Variants in HYDIN observed in about 807,000 individuals in gnomAD.
The protein encoded by HYDIN is HYDIN axonemal central pair apparatus protein, also known as axonemal central pair apparatus protein HYDIN.
HYDIN carries 132 observed loss-of-function variants against 403.9 expected under a neutral mutation model. The ratio of observed to expected loss-of-function variants is 0.33; its 90% CI spans 0.28 to 0.38. The LOEUF is 0.38. HYDIN is among the 10% of genes least tolerant of loss of function. HYDIN has a pLI of 1.00. For missense variants in HYDIN, 2,827 were observed against 5,009.5 expected (o/e 0.56, Z 13.15); for synonymous variants, 1,202 against 1,891.7 (o/e 0.64, Z 9.46).
rs2080910291 is a variant in HYDIN, at chr16:71,031,513, T to C, written c.2768+166A>G. ...CAAGTTATGGCTAGAAAATGTCTTC[T>C]TGTTGCTGACATACACATCAGGAGG... On this transcript the variant is annotated intron_variant, in intron 19 of 85. Coordinates refer to ENST00000393567, the MANE Select transcript of HYDIN (RefSeq NM_001270974.2). The C allele has an allele frequency of 3.1e-6, 4 of 1,308,646 alleles. No homozygotes were observed. The East Asian group carries it at 1.1e-4, about 36-fold the overall frequency. The allele number at this position is 1,308,646 out of a possible 1,614,324, so 81.1% of individuals were successfully genotyped here.
chr16:71,214,896 C>T (rs1236496027), intron 1 of HYDIN, among the ~76,000 whole-genome samples: 1 of 152,096 alleles, frequency 6.6e-6, no homozygotes, highest in Non-Finnish European at 1.5e-5. Flanking sequence ...AATAAACTAC[C>T]AACACTCAAG....
intron 18 of HYDIN, among the ~76,000 whole-genome samples, chr16:71,051,645 CA>C (rs56676777): frequency 0.31 from 36,708 of 120,076 alleles, 2,819 homozygotes; most frequent in Middle Eastern, 0.39. Flanking sequence ...GACTCTGTCT[CA>C]AAAAAAAAAA....
chr16:70,919,463 C>T lies in HYDIN; in HGVS notation c.7786-1034G>A, dbSNP rs1474963730. Reference sequence around the variant, plus strand: ...GCCACCCGGGACCACTGTGGCAAGGCTTCTACTGTGGGCCGCGGCACATGG... The same window carrying T: ...GCCACCCGGGACCACTGTGGCAAGGTTTCTACTGTGGGCCGCGGCACATGG... On this transcript the variant is annotated intron_variant, in intron 46 of 85. Coordinates refer to ENST00000393567, the MANE Select transcript of HYDIN (RefSeq NM_001270974.2). 2.0e-5 allele frequency among the ~76,000 whole-genome samples: 3 copies of T among 152,104 alleles called. No homozygotes were observed. The South Asian group carries it at 6.2e-4, about 32-fold the overall frequency.
chr16:71,228,605 A>G (rs1411200518), intron 1 of HYDIN, among the ~76,000 whole-genome samples: 4 of 152,152 alleles, frequency 2.6e-5, no homozygotes, highest in Admixed American at 6.5e-5. Flanking sequence ...AAACCACAAT[A>G]AGATACCATC....
intron 18 of HYDIN, among the ~76,000 whole-genome samples, chr16:71,052,321 C>G (rs1351139457): frequency 6.6e-6 from 1 of 151,580 alleles, no homozygotes; most frequent in Non-Finnish European, 1.5e-5. Context: ...TAACAGAAAG[C>G]TCAGAAACCC....
At chr16:71,051,042 TA>T (rs372285494) in intron 18 of HYDIN, among the ~76,000 whole-genome samples, 2 of 140,778 alleles carry the variant, frequency 1.4e-5, no homozygotes, top group Non-Finnish European at 3.1e-5. Flanking sequence ...AAATGCAACA[TA>T]AAAAAAAGTA....
At chr16:71,209,998 C>T (rs528902465) in intron 1 of HYDIN, among the ~76,000 whole-genome samples, 5 of 152,192 alleles carry the variant, frequency 3.3e-5, no homozygotes, top group Non-Finnish European at 5.9e-5. Flanking sequence ...TCCTATCATA[C>T]TAGCGGTAAT....
rs373315984 is a variant in HYDIN, at chr16:71,067,462, G to A, written c.1975-72C>T. The A allele has an allele frequency of 2.0e-3, 1,673 of 843,168 alleles. 7 individuals carry two copies. In the African/African-American group the frequency reaches 0.023, roughly 11 times the overall value. 52.2% of individuals were successfully genotyped at this position (843,168 alleles called of 1,614,324 possible). Reference sequence around the variant, plus strand: ...CTCTACACGGGGGAGGGGAGCCTCCGGAGGACTACGCTGATCAGAGTGGTT... The same window carrying A: ...CTCTACACGGGGGAGGGGAGCCTCCAGAGGACTACGCTGATCAGAGTGGTT... On this transcript the variant is annotated intron_variant, in intron 14 of 85. Transcript: ENST00000393567.
At chr16:71,153,126 T>C (rs1460558504) in intron 6 of HYDIN, among the ~76,000 whole-genome samples, 1 of 147,158 alleles carries the variant, frequency 6.8e-6, no homozygotes, top group African/African-American at 2.7e-5. Flanking sequence ...ATCCAGCCTT[T>C]GTCCTCAAAC....
intron 23 of HYDIN, among the ~76,000 whole-genome samples, chr16:71,010,237 T>C (rs2080036343): frequency 6.6e-6 from 1 of 151,874 alleles, no homozygotes; most frequent in Non-Finnish European, 1.5e-5. Context: ...TGCTTACTTT[T>C]GGCTCCAATC....
intron 84 of HYDIN, 149 bp downstream of exon 84, chr16:70,818,193 C>T (rs1426261750): frequency 3.4e-6 from 2 of 593,810 alleles, no homozygotes; most frequent in Non-Finnish European, 6.0e-6. Context: ...AGAAAAGGAA[C>T]ATGAGGGTGA....
At chr16:71,117,038 CA>C (rs1363896080) in intron 9 of HYDIN, among the ~76,000 whole-genome samples, 1 of 132,776 alleles carries the variant, frequency 7.5e-6, no homozygotes, top group Non-Finnish European at 1.6e-5. Context: ...TATAAAAATA[CA>C]GCCCAGAGGG....
At chr16:71,169,103 C>T (rs186723451) in intron 5 of HYDIN, among the ~76,000 whole-genome samples, 67 of 152,282 alleles carry the variant, frequency 4.4e-4, no homozygotes, top group African/African-American at 1.3e-3. Context: ...GTTGAATCAA[C>T]CCAAGTGTCC....
At position 71,020,252 on chromosome 16, in the gene HYDIN, G is replaced by A. The variant is rs1360668602; in HGVS notation, c.3252C>T (p.Pro1084=). ...CAGATGTTGACAGCAACAAGTTCAC[G>A]GGCAGGGTGGAAATGTTCTTTATGG... ...PLAIKNISTL[P]VNLLLSTSGP... The change falls in exon 22 of 86, where the codon CCC becomes CCT. Residue 1084 remains proline (P), a synonymous_variant. Transcript: ENST00000393567. 4.3e-6 allele frequency: 7 copies of A among 1,614,010 alleles called. No homozygotes were observed. Among genetic ancestry groups the A allele is most frequent in the East Asian group, 2.2e-5 (1 of 44,846 alleles).
intron 18 of HYDIN, among the ~76,000 whole-genome samples, chr16:71,044,029 C>T (rs1164681573): frequency 6.6e-6 from 1 of 151,664 alleles, no homozygotes; most frequent in African/African-American, 2.4e-5. Context: ...AGCAAGGAAG[C>T]CTGCCTGCCT....
At chr16:71,158,588 TCA>T (rs1567388045) in intron 6 of HYDIN, among the ~76,000 whole-genome samples, 1 of 141,654 alleles carries the variant, frequency 7.1e-6, no homozygotes, top group East Asian at 2.0e-4. Context: ...ATTCTTTTTT[TCA>T]TAGAAAAAAA....
At chr16:70,894,948 G>T (rs2041700851) in intron 54 of HYDIN, among the ~76,000 whole-genome samples, 1 of 152,160 alleles carries the variant, frequency 6.6e-6, no homozygotes, top group Non-Finnish European at 1.5e-5. Context: ...GTTCTTTGTG[G>T]CTGCATAATA....
intron 39 of HYDIN, among the ~76,000 whole-genome samples, chr16:70,956,557 A>G (rs997699306): frequency 3.3e-5 from 5 of 152,188 alleles, no homozygotes; most frequent in African/African-American, 4.8e-5. Flanking sequence ...ATGGGTCCCC[A>G]TGAGAGGAGA....
At chr16:71,157,079 GTTTA>G (rs1244145900) in intron 6 of HYDIN, among the ~76,000 whole-genome samples, 2 of 146,676 alleles carry the variant, frequency 1.4e-5, no homozygotes, top group Non-Finnish European at 3.0e-5. Context: ...TTTATTGGGT[GTTTA>G]TTTATTCTAG....
Sources: allele counts gnomAD v4.1 joint callset (sites outside exome capture counted in the v4.1 genomes callset), GRCh38; gene constraint gnomAD v4.1.1; transcripts MANE v1.5; gene names NCBI Gene and HGNC (gene_info 2026-07-23, HGNC 2026-07-21).